DOCK3: variants seen among roughly 807,000 people sequenced by gnomAD.
DOCK3 encodes the protein dedicator of cytokinesis protein 3.
In DOCK3, 60 loss-of-function variants were observed where a neutral mutation model predicts 265.6. The observed-to-expected ratio is 0.23, with a 90% CI of 0.18 to 0.28. The LOEUF is 0.28. Ranked by LOEUF, DOCK3 falls within the 10% of genes least tolerant of loss-of-function variation. The pLI, the probability that DOCK3 is intolerant of heterozygous loss-of-function variation, is 1.00. For missense variants in DOCK3, 1,981 were observed against 2,594.3 expected (o/e 0.76, Z 5.14); for synonymous variants, 881 against 938.0 (o/e 0.94, Z 1.11).
chr3:51,229,446 G>A (rs1357913572), intron 18 of DOCK3, 66 bp from the exon 19 acceptor site: 28 of 1,195,222 alleles, frequency 2.3e-5, no homozygotes, highest in African/African-American at 9.5e-5. Flanking sequence ...GTGAGACTCC[G>A]TCTAAAAAAA....
chr3:50,831,661 G>A (rs1559697892), intron 2 of DOCK3, among the ~76,000 whole-genome samples: 1 of 152,112 alleles, frequency 6.6e-6, no homozygotes. Flanking sequence ...CCAAGTCTTT[G>A]CTATTGTGAA....
chr3:50,705,684 G>C (rs1038590191), intron 1 of DOCK3, among the ~76,000 whole-genome samples: 1 of 152,040 alleles, frequency 6.6e-6, no homozygotes, highest in Non-Finnish European at 1.5e-5. Context: ...CAAAATGCTG[G>C]GATTACAGGC....
chr3:51,111,599 T>TATAA (rs2083520440), intron 9 of DOCK3, among the ~76,000 whole-genome samples: 1 of 151,450 alleles, frequency 6.6e-6, no homozygotes, highest in Non-Finnish European at 1.5e-5. Flanking sequence ...ATTAAAGACT[T>TATAA]AAATATAAAA....
chr3:51,228,109 T>G, intron 17 of DOCK3, 21 bp downstream of exon 17: 3 of 1,611,770 alleles, frequency 1.9e-6, no homozygotes, highest in Non-Finnish European at 2.5e-6. Context: ...TAGCTGCCTT[T>G]CATCCCCACC....
intron 3 of DOCK3, among the ~76,000 whole-genome samples, chr3:50,889,064 T>TGA (rs1553558565): frequency 4.8e-5 from 6 of 124,228 alleles, no homozygotes; most frequent in African/African-American, 1.9e-4. Context: ...ATTTAAGCCA[T>TGA]GGGTGTGTGT....
intron 4 of DOCK3, among the ~76,000 whole-genome samples, chr3:50,909,035 TC>T (rs1325203687): frequency 1.3e-5 from 2 of 152,016 alleles, no homozygotes; most frequent in African/African-American, 4.8e-5. Flanking sequence ...AGGATTGTGA[TC>T]CCTGCTTTTT....
At chr3:51,244,486 C>G (rs1158016658) in intron 21 of DOCK3, among the ~76,000 whole-genome samples, 1 of 152,016 alleles carries the variant, frequency 6.6e-6, no homozygotes, top group Non-Finnish European at 1.5e-5. Flanking sequence ...TCAGAATGTT[C>G]ATTTTTAGCA....
chr3:51,306,263 G>A (rs2082686212), intron 27 of DOCK3, among the ~76,000 whole-genome samples: 1 of 152,016 alleles, frequency 6.6e-6, no homozygotes, highest in African/African-American at 2.4e-5. Flanking sequence ...CTGCCTTCTG[G>A]CCTCCACTAT....
At chr3:51,301,320 C>G (rs2082348672) in intron 27 of DOCK3, among the ~76,000 whole-genome samples, 1 of 151,508 alleles carries the variant, frequency 6.6e-6, no homozygotes, top group African/African-American at 2.4e-5. Flanking sequence ...AGCTAGCAGT[C>G]CATTTATGTT....
At chr3:50,917,823 A>ATATG (rs2050210671) in intron 4 of DOCK3, among the ~76,000 whole-genome samples, 1 of 152,056 alleles carries the variant, frequency 6.6e-6, no homozygotes, top group East Asian at 1.9e-4. Context: ...GCTTTGTTAC[A>ATATG]TATGTATACA....
At chr3:50,843,686 G>A (rs912640005) in intron 3 of DOCK3, among the ~76,000 whole-genome samples, 2 of 152,008 alleles carry the variant, frequency 1.3e-5, no homozygotes, top group Non-Finnish European at 2.9e-5. Flanking sequence ...TATTTTGGGG[G>A]CTAATGTGGT....
At chr3:50,844,049 G>A (rs1427147030) in intron 3 of DOCK3, among the ~76,000 whole-genome samples, 10 of 152,086 alleles carry the variant, frequency 6.6e-5, no homozygotes, top group Non-Finnish European at 1.5e-4. Context: ...GTCATAATAA[G>A]TAAAATTTTC....
In DOCK3 at chr3:51,361,902, C is replaced by T. The variant is rs765540210; in HGVS notation, c.5050C>T (p.Leu1684Phe). 6.2e-7 allele frequency: 1 copy of T among 1,613,458 alleles called. No individual in the cohort carries two copies. Among genetic ancestry groups the T allele is most frequent in the Admixed American group, 1.7e-5 (1 of 59,954 alleles). The change falls in exon 48 of 53, where the codon CTC becomes TTC. Residue 1684 changes from leucine (L) to phenylalanine (F), a missense_variant. By Grantham distance (22) the Leu-to-Phe change is conservative (BLOSUM62 0). This residue lies in a region of DOCK3 where 1,357 missense variants were observed against 1,866.8 expected (regional missense o/e 0.73). Transcript: ENST00000266037. The surrounding 1 kb of genome is among the most constrained non-coding windows in gnomAD (Gnocchi z 4.2). Reference protein sequence around the residue: ...MGTGRHSSSSLSSHASSEAGN... With the variant: ...MGTGRHSSSSFSSHASSEAGN... Reference sequence around the variant, plus strand: ...CACAGGCCGCCATTCATCATCCTCTCTCTCCTCACATGCGTCTAGTGAAGC... The same window carrying T: ...CACAGGCCGCCATTCATCATCCTCTTTCTCCTCACATGCGTCTAGTGAAGC...
At position 51,115,067 on chromosome 3, in the gene DOCK3, G is replaced by C. The variant is rs9880318; in HGVS notation, c.746+24683G>C. Among the ~76,000 whole-genome samples, 530 of 151,874 alleles carry C rather than the reference G, an allele frequency of 3.5e-3. 4 individuals are homozygous for C. The highest frequency in any genetic ancestry group is 0.012 in the African/African-American group (510 of 41,462). On this transcript the variant is annotated intron_variant, in intron 9 of 52. Coordinates refer to ENST00000266037, the MANE Select transcript of DOCK3 (RefSeq NM_004947.5). ...CCAGTCTATGATTGTTTGGCATTTG[G>C]GTTGGTTATCTATTGTGAATAGTGC...
rs1442162952 is a variant in DOCK3, at chr3:51,289,430, A to T, written c.2922+9226A>T. Among the ~76,000 whole-genome samples the T allele has an allele frequency of 2.0e-5, 3 of 152,218 alleles. No homozygotes were observed. The East Asian group carries it at 5.8e-4, about 29-fold the overall frequency. On this transcript the variant is annotated intron_variant, in intron 27 of 52. Coordinates refer to ENST00000266037, the MANE Select transcript of DOCK3 (RefSeq NM_004947.5). ...AAAGCCTGTAATTAATATACAAAAGATAAAAGAATCAAAGCATACCACTAG... is the reference window on the plus strand; with the variant it reads ...AAAGCCTGTAATTAATATACAAAAGTTAAAAGAATCAAAGCATACCACTAG...
At chr3:50,869,305 G>A (rs1198899061) in intron 3 of DOCK3, among the ~76,000 whole-genome samples, 1 of 88,238 alleles carries the variant, frequency 1.1e-5, no homozygotes, top group African/African-American at 4.5e-5. Context: ...TTTTAAAATT[G>A]TTTTCTTTAT....
intron 12 of DOCK3, among the ~76,000 whole-genome samples, chr3:51,187,059 T>G (rs891029105): frequency 2.6e-5 from 4 of 152,056 alleles, no homozygotes; most frequent in Non-Finnish European, 5.9e-5. Flanking sequence ...GAATGGTAGA[T>G]CCACAGACAG....
At chr3:51,248,683 C>T (rs1388197051) in intron 22 of DOCK3, among the ~76,000 whole-genome samples, 1 of 151,882 alleles carries the variant, frequency 6.6e-6, no homozygotes, top group Non-Finnish European at 1.5e-5. Flanking sequence ...GCCCCTCTGC[C>T]TGGCTGCCCA....
chr3:51,288,881 T>TGTGG (rs1450754403), intron 27 of DOCK3, among the ~76,000 whole-genome samples: 1 of 149,838 alleles, frequency 6.7e-6, no homozygotes, highest in Non-Finnish European at 1.5e-5. Flanking sequence ...GGGGTGTTTG[T>TGTGG]GTGGGTGTGT....
Sources: gnomAD v4.1 joint callset for allele counts (sites outside exome capture counted in the v4.1 genomes callset) on GRCh38, gnomAD v4.1.1 for gene constraint, gnomAD v4.1.1 regional missense constraint, Gnocchi (gnomAD v3.1) non-coding constraint, MANE v1.5 for transcripts, NCBI Gene and HGNC (gene_info 2026-07-23, HGNC 2026-07-21) for gene names.